The following PZP variants were observed in gnomAD, a reference collection of about 807,000 sequenced individuals.
The protein encoded by PZP is PZP alpha-2-macroglobulin like.
PZP carries 150 observed loss-of-function variants against 179.8 expected under a neutral mutation model. The ratio of observed to expected loss-of-function variants is 0.83; its 90% CI spans 0.73 to 0.96. The LOEUF (loss-of-function observed/expected upper bound fraction) is 0.96, where lower values mean the gene tolerates loss of function less well. Ranked by LOEUF, PZP falls within the 40% of genes least tolerant of loss-of-function variation. The pLI is 0.00. For synonymous variants in PZP, 624 were observed against 652.3 expected (o/e 0.96, Z 0.66); for missense variants, 1,689 against 1,764.0 (o/e 0.96, Z 0.76).
At chr12:9,152,791 C>T in intron 31 of PZP, 33 bp downstream of exon 31, 2 of 1,596,498 alleles carry the variant, frequency 1.3e-6, no homozygotes, top group South Asian at 1.2e-5. Context: ...TGCTTTTGGG[C>T]CAAAGATAGG....
rs370076864 is a variant in PZP at position 9,153,105 on chromosome 12, A to G, written c.3993+20T>C. On this transcript the variant is annotated intron_variant, in intron 30 of 35. Coordinates refer to ENST00000261336, the MANE Select transcript of PZP (RefSeq NM_002864.3). ...GCAAGTTTAAAGTTGACTCTCACCC[A>G]TATAAGCTTGGAGCCCTACCTGAAG... is the stretch of plus-strand genomic sequence containing the variant. 17 of 1,612,748 alleles carry G rather than the reference A, an allele frequency of 1.1e-5. No homozygotes were observed. The African/African-American group carries it at 1.7e-4, about 16-fold the overall frequency.
At chr12:9,204,305 G>T (rs1320410606) in intron 1 of PZP, among the ~76,000 whole-genome samples, 1 of 151,872 alleles carries the variant, frequency 6.6e-6, no homozygotes, top group African/African-American at 2.4e-5. Flanking sequence ...AAAAGTGCAC[G>T]CACACAAACA....
At chr12:9,196,717 A>G (rs769172185) in intron 8 of PZP, 32 bp from the exon 9 acceptor site, 23 of 1,512,120 alleles carry the variant, frequency 1.5e-5, no homozygotes, top group Non-Finnish European at 2.1e-5. Flanking sequence ...ATAAATGTCA[A>G]ACTGATTGAG....
At chr12:9,205,280 A>G (rs1432936926) in intron 1 of PZP, among the ~76,000 whole-genome samples, 2 of 152,224 alleles carry the variant, frequency 1.3e-5, no homozygotes, top group Middle Eastern at 3.4e-3. Flanking sequence ...CCCCCACTCC[A>G]TATTTTCCTG....
rs1944115402 is a variant in PZP, at chr12:9,200,892, C to G, written c.670G>C (p.Val224Leu). The G allele has an allele frequency of 6.2e-7, 1 of 1,610,784 alleles. No individual in the cohort carries two copies. The highest frequency in any genetic ancestry group is 8.5e-7 in the Non-Finnish European group (1 of 1,178,908). ...CTTTTTCATCTTCCATAATCCATAC[C>G]AAATTCCTCCACGGTGAAGGGGTGC... ...IQHPFTVEEF[V>L]LPKFEVKVQV... The change falls in exon 6 of 36, where the codon GTG becomes CTG. Residue 224 changes from valine to leucine, a missense_variant and splice_region_variant. Val to Leu is a conservative substitution (Grantham distance 32, BLOSUM62 1). Coordinates refer to ENST00000261336, the MANE Select transcript of PZP (RefSeq NM_002864.3).
intron 7 of PZP, among the ~76,000 whole-genome samples, chr12:9,197,616 ATTT>A (rs1943875331): frequency 3.1e-5 from 3 of 95,258 alleles, no homozygotes; most frequent in African/African-American, 1.3e-4. Flanking sequence ...TATATTATAT[ATTT>A]ATATATTATA....
chr12:9,180,896 A>G lies in PZP; in HGVS notation c.1839+87T>C, dbSNP rs959673506. 2.5e-5 allele frequency: 36 copies of G among 1,435,446 alleles called. No individual in the cohort carries two copies. The African/African-American group carries it at 3.2e-4, about 13-fold the overall frequency. The allele number at this position is 1,435,446 out of a possible 1,614,324, so 88.9% of individuals were successfully genotyped here. On this transcript the variant is annotated intron_variant, in intron 15 of 35. Transcript: ENST00000261336. ...AAATGGGAGAAAATTTTCGCAACCT[A>G]CTCATCTGACAAAGGGCTAATAGAG...
At chr12:9,179,665 T>C (rs778495576) in intron 15 of PZP, among the ~76,000 whole-genome samples, 1 of 152,346 alleles carries the variant, frequency 6.6e-6, no homozygotes, top group South Asian at 2.1e-4. Context: ...GTATTAATTT[T>C]GTAGCAAGCT....
chr12:9,208,372 A>G lies in PZP; in HGVS notation c.-31T>C, dbSNP rs757165104. On this transcript the variant is annotated 5_prime_UTR_variant, in exon 1 of 36. Coordinates refer to ENST00000261336, the MANE Select transcript of PZP (RefSeq NM_002864.3). ...GGGATAAATCTCAGGGTTGTGTCCA[A>G]CTCTCTGCCCTCAGCCTCGCCCTGG... The G allele has an allele frequency of 1.9e-6, 3 of 1,579,098 alleles. No individual in the cohort carries two copies. In the Admixed American group the frequency reaches 5.0e-5, roughly 26 times the overall value.
chr12:9,140,523 T>G, the PZP span, among the ~76,000 whole-genome samples: 2 of 152,228 alleles, frequency 1.3e-5, no homozygotes, highest in Non-Finnish European at 2.9e-5. Context: ...AGGAATGGTT[T>G]GCATTATTAT....
downstream of PZP, among the ~76,000 whole-genome samples, chr12:9,145,431 A>C (rs1185865740): frequency 6.6e-6 from 1 of 152,198 alleles, no homozygotes; most frequent in African/African-American, 2.4e-5. Flanking sequence ...CAGTTTAATC[A>C]CATACAAAAA....
At chr12:9,163,031 C>G (rs1941324399) in intron 21 of PZP, among the ~76,000 whole-genome samples, 1 of 152,086 alleles carries the variant, frequency 6.6e-6, no homozygotes, top group Non-Finnish European at 1.5e-5. Flanking sequence ...ACATAACATC[C>G]TACTTGTTAT....
intron 33 of PZP, among the ~76,000 whole-genome samples, chr12:9,151,370 G>T (rs182971254): frequency 3.9e-5 from 6 of 152,154 alleles, no homozygotes; most frequent in Non-Finnish European, 5.9e-5. Flanking sequence ...TATTGATTTT[G>T]TACTTTAAAT....
chr12:9,154,924 A>G (rs1686368169), intron 28 of PZP, 85 bp from the exon 29 acceptor site: 8 of 1,307,092 alleles, frequency 6.1e-6, no homozygotes, highest in Admixed American at 2.2e-5. Context: ...TTCATAATAC[A>G]TGGAGCTGAA....
chr12:9,157,970 T>C (rs1445055745), intron 26 of PZP, 129 bp from the exon 27 acceptor site: 25 of 777,478 alleles, frequency 3.2e-5, no homozygotes, highest in Non-Finnish European at 4.5e-5. Flanking sequence ...TCTCTCTCTC[T>C]CTCGACAGGT....
At chr12:9,166,452 C>T (rs145919627) in intron 17 of PZP, among the ~76,000 whole-genome samples, 351 of 152,186 alleles carry the variant, frequency 2.3e-3, no homozygotes, top group Non-Finnish European at 2.9e-3. Context: ...GCTGGAAAAA[C>T]GAGATCACTT....
rs1323426078 is a variant in PZP at position 9,197,500 on chromosome 12, TATA to T, written c.756-380_756-378del. Among the ~76,000 whole-genome samples the T allele has an allele frequency of 2.3e-5, 3 of 128,522 alleles. No individual in the cohort carries two copies. The East Asian group carries it at 6.2e-4, about 27-fold the overall frequency. 84.3% of individuals were successfully genotyped at this position (128,522 alleles called of 152,430 possible). Reference sequence around the variant, plus strand: ...AATAATATAATATATTATATATAAATATATTATGTATAATGTTGAAAATAATTA... The same window carrying T: ...AATAATATAATATATTATATATAAATTTATGTATAATGTTGAAAATAATTA... On this transcript the variant is annotated intron_variant, in intron 7 of 35. Transcript: ENST00000261336.
intron 8 of PZP, 85 bp downstream of exon 8, chr12:9,196,927 C>T: frequency 9.1e-7 from 1 of 1,095,674 alleles, no homozygotes; most frequent in Non-Finnish European, 1.4e-6. Flanking sequence ...ACAAGCTTGT[C>T]CTGATGCCCT....
chr12:9,200,914 G>A lies in PZP; in HGVS notation c.648C>T (p.His216=). The change falls in exon 6 of 36, where the codon CAC becomes CAT. Residue 216 remains histidine, a synonymous_variant. Transcript: ENST00000261336. The part of the protein sequence containing the change: ...VQTESGGRIQ[H]PFTVEEFVLP... ...TACCAAATTCCTCCACGGTGAAGGG[G>A]TGCTGTATCCTTCCACCTGATTCTG... The A allele has an allele frequency of 1.2e-6, 2 of 1,613,742 alleles. No homozygotes were observed. Among genetic ancestry groups the A allele is most frequent in the Non-Finnish European group, 1.7e-6 (2 of 1,179,852 alleles).
Sources: gnomAD v4.1 joint callset for allele counts (sites outside exome capture counted in the v4.1 genomes callset) on GRCh38, gnomAD v4.1.1 for gene constraint, MANE v1.5 for transcripts, NCBI Gene and HGNC (gene_info 2026-07-23, HGNC 2026-07-21) for gene names.